Variants in PRKN observed in about 807,000 individuals in gnomAD.
PRKN encodes the protein parkin RBR E3 ubiquitin protein ligase, also known as E3 ubiquitin-protein ligase parkin.
In PRKN, 56 loss-of-function variants were observed where a neutral mutation model predicts 59.5. The observed-to-expected ratio is 0.94, with a 90% CI of 0.76 to 1.18. PRKN has a LOEUF of 1.18. Ranked by LOEUF, PRKN falls within the 50% of genes most tolerant of loss-of-function variation. The pLI, the probability that PRKN is intolerant of heterozygous loss-of-function variation, is 0.00. For missense variants in PRKN, 657 were observed against 596.4 expected, an observed-to-expected ratio of 1.10 and a Z score of -1.06; for synonymous variants, 250 against 222.1, an observed-to-expected ratio of 1.13 and a Z score of -1.12.
chr6:161,927,665 T>G (rs527954666), intron 6 of PRKN, among the ~76,000 whole-genome samples: 1 of 152,216 alleles, frequency 6.6e-6, no homozygotes, highest in Admixed American at 6.5e-5. Context: ...TAGAATTTTT[T>G]AAGTGGTTAC....
At chr6:162,114,845 A>G (rs1780597448) in intron 4 of PRKN, among the ~76,000 whole-genome samples, 1 of 152,066 alleles carries the variant, frequency 6.6e-6, no homozygotes, top group Non-Finnish European at 1.5e-5. Flanking sequence ...TCAAGAAACA[A>G]CAGGTGCTGG....
chr6:162,089,387 A>C (rs1463629589), intron 4 of PRKN, among the ~76,000 whole-genome samples: 2 of 152,190 alleles, frequency 1.3e-5, no homozygotes, highest in African/African-American at 4.8e-5. Flanking sequence ...ATTTAAAACA[A>C]ACAAGAAAAG....
chr6:162,548,300 G>A lies in PRKN; in HGVS notation c.8-104827C>T, dbSNP rs368616718. ...TCTCAATCTCTTGACCTCATGATCC[G>A]CCTGCCTCAGCCTCCCAAAGCGCTG... On this transcript the variant is annotated intron_variant, in intron 1 of 11. Coordinates refer to ENST00000366898, the MANE Select transcript of PRKN (RefSeq NM_004562.3). Among the ~76,000 whole-genome samples the A allele has an allele frequency of 6.2e-4, 93 of 150,426 alleles. 1 individual carries two copies. In the South Asian group the frequency reaches 9.3e-3, roughly 15 times the overall value.
chr6:162,356,991 T>G (rs1784898070), intron 2 of PRKN, among the ~76,000 whole-genome samples: 1 of 151,828 alleles, frequency 6.6e-6, no homozygotes, highest in African/African-American at 2.4e-5. Flanking sequence ...CGCCATAAAC[T>G]TCAATATAAA....
intron 2 of PRKN, among the ~76,000 whole-genome samples, chr6:162,436,768 T>C (rs1443755439): frequency 3.9e-5 from 5 of 129,154 alleles, no homozygotes; most frequent in Non-Finnish European, 6.5e-5. Context: ...TCTATTCAGA[T>C]CTATAATGTG....
chr6:162,570,786 A>T (rs567401908), intron 1 of PRKN, among the ~76,000 whole-genome samples: 59 of 152,282 alleles, frequency 3.9e-4, no homozygotes, highest in Non-Finnish European at 8.2e-4. Flanking sequence ...GGACATAGAG[A>T]GTAGGAGAAT....
At chr6:162,569,207 A>G in intron 1 of PRKN, 1 of 570,208 alleles carries the variant, frequency 1.8e-6, no homozygotes, top group South Asian at 1.6e-5. Flanking sequence ...CTCCAAGATG[A>G]ACTGGAACAT....
intron 1 of PRKN, among the ~76,000 whole-genome samples, chr6:162,620,719 TTC>T (rs201872930): frequency 0.012 from 1,219 of 103,324 alleles, 58 homozygotes; most frequent in Admixed American, 0.096. Context: ...CATATAGATA[TTC>T]TTTTTAATTT....
At chr6:161,827,453 A>G (rs1008826247) in intron 6 of PRKN, among the ~76,000 whole-genome samples, 2 of 152,000 alleles carry the variant, frequency 1.3e-5, no homozygotes, top group Non-Finnish European at 2.9e-5. Flanking sequence ...TAAAAAATAT[A>G]ATCATTTTAG....
intron 7 of PRKN, among the ~76,000 whole-genome samples, chr6:161,765,350 T>A (rs1472880898): frequency 6.6e-6 from 1 of 152,244 alleles, no homozygotes; most frequent in Non-Finnish European, 1.5e-5. Flanking sequence ...CCTTATGATT[T>A]AGATTATATC....
chr6:161,648,851 C>A (rs1209221905), intron 7 of PRKN, among the ~76,000 whole-genome samples: 1 of 152,134 alleles, frequency 6.6e-6, no homozygotes, highest in Non-Finnish European at 1.5e-5. Flanking sequence ...CAACCATGAA[C>A]TTGGAAAATC....
At chr6:161,505,874 C>T (rs1048994092) in intron 9 of PRKN, among the ~76,000 whole-genome samples, 22 of 147,044 alleles carry the variant, frequency 1.5e-4, no homozygotes, top group Admixed American at 1.3e-3. Context: ...TGTTCTGTTC[C>T]ATTGATCTAT....
In PRKN at chr6:162,235,981, G is replaced by GAAAGAAAGA. The variant is rs1562602520; in HGVS notation, c.412+26535_412+26543dup. On this transcript the variant is annotated intron_variant, in intron 3 of 11. Coordinates refer to ENST00000366898, the MANE Select transcript of PRKN (RefSeq NM_004562.3). ...AGGAAGAAAGAAAGAAAGAAAGAAA[G>GAAAGAAAGA]AAAGAAAGAAAGAAAGAAAGAAAGA... Among the ~76,000 whole-genome samples, 414 of 105,360 alleles carry GAAAGAAAGA rather than the reference G, an allele frequency of 3.9e-3. 7 individuals carry two copies. Among genetic ancestry groups the GAAAGAAAGA allele is most frequent in the African/African-American group, 0.015 (379 of 25,526 alleles). 69.1% of individuals were successfully genotyped at this position (105,360 alleles called of 152,430 possible).
intron 1 of PRKN, among the ~76,000 whole-genome samples, chr6:162,650,611 A>AG (rs1439405069): frequency 1.2e-4 from 18 of 151,322 alleles, no homozygotes; most frequent in African/African-American, 3.4e-4. Context: ...AAAAAAAAAA[A>AG]AAAAGAAAAC....
chr6:161,685,916 C>T (rs1033251919), intron 7 of PRKN, among the ~76,000 whole-genome samples: 5 of 152,160 alleles, frequency 3.3e-5, no homozygotes, highest in African/African-American at 1.2e-4. Context: ...CCTCAGCAAC[C>T]TCACCCCGGT....
At chr6:162,314,344 A>G (rs1196575075) in intron 2 of PRKN, among the ~76,000 whole-genome samples, 2 of 152,194 alleles carry the variant, frequency 1.3e-5, no homozygotes, top group African/African-American at 4.8e-5. Flanking sequence ...AGTAAAACAC[A>G]TCAATTATAT....
In PRKN at chr6:161,459,935, T is replaced by C. The variant is rs1195349899; in HGVS notation, c.1084-73058A>G. On this transcript the variant is annotated intron_variant, in intron 9 of 11. Coordinates refer to ENST00000366898, the MANE Select transcript of PRKN (RefSeq NM_004562.3). This position sits in a 1 kb window ranked among gnomAD's most constrained non-coding sequence, Gnocchi z 4.8. ...TTTATTTAGATAAGAAAATGGCTGT[T>C]GATATTTTGTAAAAAAAAAAATCTA... Among the ~76,000 whole-genome samples the C allele has an allele frequency of 6.6e-6, 1 of 151,852 alleles. No homozygotes were observed. The highest frequency in any genetic ancestry group is 1.5e-5 in the Non-Finnish European group (1 of 68,034).
intron 1 of PRKN, among the ~76,000 whole-genome samples, chr6:162,613,162 T>C (rs1397680713): frequency 6.6e-6 from 1 of 152,230 alleles, no homozygotes; most frequent in Non-Finnish European, 1.5e-5. Context: ...GCATTTGGAC[T>C]AAAGCTGCAG....
chr6:162,027,620 G>A (rs577064637), intron 5 of PRKN, among the ~76,000 whole-genome samples: 3 of 152,254 alleles, frequency 2.0e-5, no homozygotes, highest in South Asian at 4.2e-4. Flanking sequence ...GCCAGGTGAA[G>A]TTAACCACGC....
Sources: gnomAD v4.1 joint callset for allele counts (sites outside exome capture counted in the v4.1 genomes callset) on GRCh38, gnomAD v4.1.1 for gene constraint, Gnocchi (gnomAD v3.1) non-coding constraint, MANE v1.5 for transcripts, NCBI Gene and HGNC (gene_info 2026-07-23, HGNC 2026-07-21) for gene names.